Variants in BMPER observed in about 807,000 individuals in gnomAD.
The protein encoded by BMPER is BMP-binding endothelial regulator protein.
A neutral mutation model predicts 87.3 loss-of-function variants in BMPER; 45 were observed. That is an observed-to-expected ratio of 0.52 (90% CI 0.41 to 0.66). BMPER has a LOEUF of 0.66. BMPER is among the 30% of genes least tolerant of loss of function. The probability of loss-of-function intolerance (pLI) is 0.00; values close to 1 mark genes in which losing one functional copy is unlikely to be tolerated. For synonymous variants in BMPER, 326 were observed against 316.2 expected (o/e 1.03, Z -0.33); for missense variants, 784 against 867.5 (o/e 0.90, Z 1.21).
At chr7:34,065,998 G>A (rs1426442753) in intron 11 of BMPER, among the ~76,000 whole-genome samples, 1 of 152,194 alleles carries the variant, frequency 6.6e-6, no homozygotes, top group Non-Finnish European at 1.5e-5. Flanking sequence ...AGTTAAATAA[G>A]TGTTGCATTA....
At chr7:34,049,194 A>G (rs545355406) in intron 7 of BMPER, among the ~76,000 whole-genome samples, 1 of 152,296 alleles carries the variant, frequency 6.6e-6, no homozygotes, top group South Asian at 2.1e-4. Flanking sequence ...CACCCAGTGC[A>G]CTCTAATTGA....
chr7:34,119,517 G>C (rs780134188), intron 13 of BMPER, among the ~76,000 whole-genome samples: 7 of 152,144 alleles, frequency 4.6e-5, no homozygotes, highest in African/African-American at 7.2e-5. Context: ...AACCTTATAA[G>C]TAATGCTATG....
At chr7:33,986,651 G>C (rs1387106838) in intron 6 of BMPER, among the ~76,000 whole-genome samples, 1 of 152,144 alleles carries the variant, frequency 6.6e-6, no homozygotes, top group Non-Finnish European at 1.5e-5. Context: ...AAGAGTAGCT[G>C]TGTGAAGAGG....
chr7:34,087,069 T>A (rs556612409), intron 13 of BMPER, among the ~76,000 whole-genome samples: 50 of 152,328 alleles, frequency 3.3e-4, no homozygotes, highest in African/African-American at 1.1e-3. Flanking sequence ...ATGATTTTTT[T>A]ATTTGATCTT....
In BMPER at chr7:34,004,563, A is replaced by G. The variant is rs144338749; in HGVS notation, c.576+29779A>G. Among the ~76,000 whole-genome samples the G allele has an allele frequency of 1.4e-4, 22 of 152,132 alleles. No individual in the cohort carries two copies. In the East Asian group the frequency reaches 4.1e-3, roughly 28 times the overall value. ...TATTTTCTCCTTGCCCCAGTTTGTTATTGCTGTTTGTTTCTGTGGTTATCA... is the reference window on the plus strand; with the variant it reads ...TATTTTCTCCTTGCCCCAGTTTGTTGTTGCTGTTTGTTTCTGTGGTTATCA... On this transcript the variant is annotated intron_variant, in intron 6 of 14. Coordinates refer to ENST00000649409, the MANE Select transcript of BMPER (RefSeq NM_001365308.1).
chr7:34,154,999 GGGGGT>G lies in BMPER; in HGVS notation c.*1727_*1731del, dbSNP rs1791274696. 6.6e-6 allele frequency: 1 copy of G among 152,084 alleles called. No individual in the cohort carries two copies. Among genetic ancestry groups the G allele is most frequent in the Non-Finnish European group, 1.5e-5 (1 of 68,018 alleles). The allele number at this position is 152,084 out of a possible 1,614,324, so 9.4% of individuals were successfully genotyped here. On this transcript the variant is annotated 3_prime_UTR_variant, in exon 15 of 15. Transcript: ENST00000649409. ...GACTATCCCCATTATTTAAGCATTT[GGGGGT>G]CTCACTTTTGCTTATCTGTAACACA...
At chr7:33,983,700 C>T (rs1000795477) in intron 6 of BMPER, among the ~76,000 whole-genome samples, 6 of 152,158 alleles carry the variant, frequency 3.9e-5, no homozygotes, top group Admixed American at 3.9e-4. Flanking sequence ...TGCCATTTCT[C>T]TCTGTCTATC....
intron 3 of BMPER, among the ~76,000 whole-genome samples, chr7:33,961,589 A>G (rs1159683185): frequency 1.3e-5 from 2 of 152,216 alleles, no homozygotes; most frequent in East Asian, 1.9e-4. Flanking sequence ...TTGGAGAGGT[A>G]ACTGGGAGAA....
chr7:33,969,753 C>T (rs963811731), intron 4 of BMPER, among the ~76,000 whole-genome samples: 3 of 152,332 alleles, frequency 2.0e-5, no homozygotes, highest in Admixed American at 2.0e-4. Context: ...ATAATATGAA[C>T]TTAAAAATAG....
chr7:33,936,608 T>C (rs1192082617), intron 2 of BMPER, among the ~76,000 whole-genome samples: 3 of 152,238 alleles, frequency 2.0e-5, no homozygotes, highest in Admixed American at 6.5e-5. Flanking sequence ...ATTCATCATG[T>C]TTGTATCTTC....
intron 5 of BMPER, among the ~76,000 whole-genome samples, chr7:33,970,950 T>C (rs1785529069): frequency 6.6e-6 from 1 of 152,188 alleles, no homozygotes; most frequent in Admixed American, 6.5e-5. Context: ...TTGCAGCGGC[T>C]GGAACGTTTC....
At chr7:33,938,527 T>C (rs1784666838) in intron 3 of BMPER, among the ~76,000 whole-genome samples, 3 of 151,952 alleles carry the variant, frequency 2.0e-5, no homozygotes, top group African/African-American at 7.3e-5. Context: ...GCCGCCAGGA[T>C]CTAGGAAAGG....
intron 6 of BMPER, among the ~76,000 whole-genome samples, chr7:33,997,647 A>G (rs1045402414): frequency 6.6e-6 from 1 of 152,190 alleles, no homozygotes. Context: ...GTATTTCTTT[A>G]TAGCAGTGTG....
At chr7:33,937,421 C>A (rs768091939) in intron 3 of BMPER, 33 bp downstream of exon 3, 116 of 1,598,098 alleles carry the variant, frequency 7.3e-5, no homozygotes, top group Admixed American at 6.7e-5. Context: ...TCTCTTCTGG[C>A]TGCTGCTTCA....
chr7:33,987,444 T>A lies in BMPER; in HGVS notation c.576+12660T>A, dbSNP rs561592537. 3.9e-5 allele frequency among the ~76,000 whole-genome samples: 6 copies of A among 152,206 alleles called. No individual in the cohort carries two copies. In the South Asian group the frequency reaches 1.2e-3, roughly 32 times the overall value. Reference sequence around the variant, plus strand: ...ATCCAACATTCCCTTCTCAAGCCCATCTCTGAGCCTACACTGAGTCATACG... The same window carrying A: ...ATCCAACATTCCCTTCTCAAGCCCAACTCTGAGCCTACACTGAGTCATACG... On this transcript the variant is annotated intron_variant, in intron 6 of 14. Transcript: ENST00000649409.
rs1783788550 is a variant in BMPER, at chr7:33,905,558, T to C, written c.-56T>C. 2 of 1,600,924 alleles carry C rather than the reference T, an allele frequency of 1.2e-6. No homozygotes were observed. The highest frequency in any genetic ancestry group is 2.0e-4 in the Middle Eastern group (1 of 5,124). On this transcript the variant is annotated 5_prime_UTR_variant, in exon 1 of 15. Coordinates refer to ENST00000649409, the MANE Select transcript of BMPER (RefSeq NM_001365308.1). ...CTTTTCGACTGTGAGCTGCGGCAGC[T>C]GAGCAGAGGCGGCGGCGCGGGACCT...
At chr7:33,922,113 G>T (rs1234022668) in intron 2 of BMPER, 1 of 265,878 alleles carries the variant, frequency 3.8e-6, no homozygotes, top group East Asian at 9.2e-5. Context: ...AAGTCAAGCC[G>T]ACCAGGCTCT....
intron 13 of BMPER, among the ~76,000 whole-genome samples, chr7:34,118,697 A>G (rs1790179979): frequency 6.6e-6 from 1 of 152,192 alleles, no homozygotes; most frequent in African/African-American, 2.4e-5. Context: ...ATTATTCTAG[A>G]TTCCTCTGTG....
At chr7:34,078,697 G>A (rs1275837439) in intron 11 of BMPER, among the ~76,000 whole-genome samples, 160 bp from the exon 12 acceptor site, 1 of 152,074 alleles carries the variant, frequency 6.6e-6, no homozygotes, top group African/African-American at 2.4e-5. Flanking sequence ...ATTCTGTGAG[G>A]TTTGACACGA....
Sources: gnomAD v4.1 joint callset for allele counts (sites outside exome capture counted in the v4.1 genomes callset) on GRCh38, gnomAD v4.1.1 for gene constraint, MANE v1.5 for transcripts, NCBI Gene and HGNC (gene_info 2026-07-23, HGNC 2026-07-21) for gene names.